TCEA3: variants seen among roughly 807,000 people sequenced by gnomAD.
The protein encoded by TCEA3 is transcription elongation factor A3.
Under a neutral mutation model 44.0 loss-of-function variants are expected in TCEA3, and 36 were observed. The ratio of observed to expected loss-of-function variants is 0.82; its 90% confidence interval spans 0.63 to 1.08. TCEA3 has a LOEUF of 1.08. Ranked by LOEUF, TCEA3 falls within the 50% of genes least tolerant of loss-of-function variation. The probability of loss-of-function intolerance (pLI) is 0.00; values close to 1 mark genes in which losing one functional copy is unlikely to be tolerated. For missense variants in TCEA3, 392 were observed against 441.2 expected (o/e 0.89, Z 1.00); for synonymous variants, 162 against 159.7 (o/e 1.01, Z -0.11).
chr1:23,399,150 A>ATATATATATGTG (rs1198129414), intron 5 of TCEA3, among the ~76,000 whole-genome samples: 1 of 101,388 alleles, frequency 9.9e-6, no homozygotes, highest in East Asian at 4.4e-4. Flanking sequence ...ATATGTATAT[A>ATATATATATGTG]TATATATATA....
chr1:23,399,685 T>G (rs1639341305), intron 5 of TCEA3, among the ~76,000 whole-genome samples: 1 of 150,972 alleles, frequency 6.6e-6, no homozygotes, highest in Non-Finnish European at 1.5e-5. Flanking sequence ...TTTTTTTTTT[T>G]GAGAGGGTGT....
chr1:23,396,512 G>A (rs1639219783), intron 7 of TCEA3, among the ~76,000 whole-genome samples: 1 of 152,030 alleles, frequency 6.6e-6, no homozygotes, highest in Non-Finnish European at 1.5e-5. Flanking sequence ...GGGGAGCAGG[G>A]GGCACATGGA....
At chr1:23,420,736 C>G (rs922188756) in intron 1 of TCEA3, among the ~76,000 whole-genome samples, 1 of 152,152 alleles carries the variant, frequency 6.6e-6, no homozygotes, top group African/African-American at 2.4e-5. Context: ...GTCCAGTGCT[C>G]CCTGAGTGGA....
intron 8 of TCEA3, 90 bp from the exon 9 acceptor site, chr1:23,387,509 A>T: frequency 7.1e-7 from 1 of 1,411,872 alleles, no homozygotes; most frequent in Non-Finnish European, 9.5e-7. Flanking sequence ...ACAGAAAAGG[A>T]GGTAACATGC....
At position 23,399,146 on chromosome 1, in the gene TCEA3, A is replaced by G. The variant is rs1456923971; in HGVS notation, c.444-1191T>C. On this transcript the variant is annotated intron_variant, in intron 5 of 10. Transcript: ENST00000450454. ...TTTGTTTATATATATGTATATATGT[A>G]TATATATATATATATATATATATAT... is the stretch of plus-strand genomic sequence containing the variant. Among the ~76,000 whole-genome samples the G allele has an allele frequency of 1.0e-3, 91 of 89,502 alleles. 1 individual carries two copies. Among genetic ancestry groups the G allele is most frequent in the African/African-American group, 6.0e-3 (78 of 13,024 alleles). The allele number at this position is 89,502 out of a possible 152,430, so 58.7% of individuals were successfully genotyped here.
chr1:23,421,062 G>C (rs1190514696), intron 1 of TCEA3, among the ~76,000 whole-genome samples: 2 of 152,204 alleles, frequency 1.3e-5, no homozygotes, highest in Non-Finnish European at 2.9e-5. Flanking sequence ...CTGAGAACTT[G>C]GGTTCACAGT....
intron 9 of TCEA3, among the ~76,000 whole-genome samples, chr1:23,384,662 C>CT (rs11341961): frequency 0.17 from 20,229 of 116,490 alleles, 3,877 homozygotes; most frequent in African/African-American, 0.45. Flanking sequence ...TGCACTTCCG[C>CT]TTTTTTTTTT....
chr1:23,402,161 G>T (rs747884404), intron 5 of TCEA3, among the ~76,000 whole-genome samples: 1 of 152,254 alleles, frequency 6.6e-6, no homozygotes, highest in East Asian at 1.9e-4. Flanking sequence ...CCAACATGGC[G>T]AAACACTGTC....
At chr1:23,399,832 C>T (rs534927708) in intron 5 of TCEA3, among the ~76,000 whole-genome samples, 19 of 152,166 alleles carry the variant, frequency 1.2e-4, no homozygotes, top group Non-Finnish European at 2.5e-4. Context: ...TGCACCACCA[C>T]GCCCAGCTAA....
rs12079296 is a variant in TCEA3 at position 23,404,806 on chromosome 1, T to A, written c.443+3858A>T. On this transcript the variant is annotated intron_variant, in intron 5 of 10. Coordinates refer to ENST00000450454, the MANE Select transcript of TCEA3 (RefSeq NM_003196.3). ...AGACTCTGTCTCTACAAAAAAAAAATTTTTTTTAAGTTAGCTGGGTGTGGT... is the reference window on the plus strand; with the variant it reads ...AGACTCTGTCTCTACAAAAAAAAAAATTTTTTTAAGTTAGCTGGGTGTGGT... Among the ~76,000 whole-genome samples, 730 of 150,766 alleles carry A rather than the reference T, an allele frequency of 4.8e-3. 5 individuals carry two copies. Among genetic ancestry groups the A allele is most frequent in the Middle Eastern group, 0.027 (8 of 292 alleles).
At chr1:23,396,052 G>GGT (rs1345155456) in intron 7 of TCEA3, among the ~76,000 whole-genome samples, 14 of 152,232 alleles carry the variant, frequency 9.2e-5, no homozygotes, top group African/African-American at 3.4e-4. Flanking sequence ...TACTTTTTGA[G>GGT]GTGCTGAATG....
chr1:23,392,458 T>A, intron 8 of TCEA3, among the ~76,000 whole-genome samples: 1 of 103,752 alleles, frequency 9.6e-6, no homozygotes. Flanking sequence ...ACACACACAC[T>A]CCACACATCA....
intron 7 of TCEA3, among the ~76,000 whole-genome samples, chr1:23,394,799 G>A (rs1048099475): frequency 6.6e-6 from 1 of 152,240 alleles, no homozygotes; most frequent in Non-Finnish European, 1.5e-5. Flanking sequence ...TCCCGGCAGA[G>A]ACAGGGCTGG....
In TCEA3 at chr1:23,387,354, G is replaced by A. The variant is rs373701273; in HGVS notation, c.885C>T (p.His295=). The A allele has an allele frequency of 5.6e-6, 9 of 1,613,532 alleles. No individual in the cohort carries two copies. In the African/African-American group the frequency reaches 1.1e-4, roughly 19 times the overall value. Residue 295 remains histidine (H), a synonymous_variant, in exon 9 of 11, where the codon CAC becomes CAT. Transcript: ENST00000450454. ...TGGTGCCGCCAGTCTTGGCCATCTG[G>A]TGCTCACGGATGGCCTCCTGGGTCA... ...NAMTQEAIRE[H]QMAKTGGTTT... is the part of the protein sequence containing the mutation.
chr1:23,407,934 C>T (rs1414207803), intron 5 of TCEA3, among the ~76,000 whole-genome samples: 1 of 151,988 alleles, frequency 6.6e-6, no homozygotes, highest in Non-Finnish European at 1.5e-5. Flanking sequence ...CTTTCTTTTT[C>T]TTTCTTTTCT....
rs377440841 is a variant in TCEA3 at position 23,417,386 on chromosome 1, G to T, written c.243C>A (p.Ser81=). The T allele has an allele frequency of 2.5e-6, 4 of 1,612,546 alleles. No individual in the cohort carries two copies. The highest frequency in any genetic ancestry group is 3.4e-6 in the Non-Finnish European group (4 of 1,179,590). The change falls in exon 4 of 11, where the codon TCC becomes TCA. Residue 81 remains serine (S), a synonymous_variant. Transcript: ENST00000450454. ...CTTTTTCTCCTTTTGGGGGTCCAGG[G>T]GAGTCTGAAAACAAAAGGGTGGCAT... is the stretch of plus-strand genomic sequence containing the variant. ...LIKNWKRLLD[S]PGPPKGEKGE...
intron 1 of TCEA3, 67 bp from the exon 2 acceptor site, chr1:23,419,206 G>T: frequency 7.8e-7 from 1 of 1,286,854 alleles, no homozygotes; most frequent in East Asian, 2.5e-5. Flanking sequence ...CTATTGTGTG[G>T]TCTTGGTACA....
chr1:23,400,498 T>A (rs1639368174), intron 5 of TCEA3, among the ~76,000 whole-genome samples: 1 of 151,788 alleles, frequency 6.6e-6, no homozygotes, highest in Non-Finnish European at 1.5e-5. Flanking sequence ...CATGAGCCAC[T>A]GTGCCTGGCA....
intron 8 of TCEA3, among the ~76,000 whole-genome samples, chr1:23,392,625 C>G (rs1639091232): frequency 2.6e-5 from 4 of 150,984 alleles, no homozygotes; most frequent in African/African-American, 9.7e-5. Flanking sequence ...CACACACACA[C>G]TCCACACATC....
Sources: gnomAD v4.1 joint callset for allele counts (sites outside exome capture counted in the v4.1 genomes callset) on GRCh38, gnomAD v4.1.1 for gene constraint, MANE v1.5 for transcripts, NCBI Gene and HGNC (gene_info 2026-07-23, HGNC 2026-07-21) for gene names.